WARS2: variants seen among roughly 807,000 people sequenced by gnomAD.
WARS2 encodes tryptophan--tRNA ligase, mitochondrial.
In WARS2, 28 loss-of-function variants were observed where a neutral mutation model predicts 36.5. The observed-to-expected ratio is 0.77, with a 90% CI of 0.57 to 1.05. WARS2 has a LOEUF of 1.05. Ranked by LOEUF, WARS2 falls within the 50% of genes least tolerant of loss-of-function variation. The pLI is 0.00. For synonymous variants in WARS2, 174 were observed against 178.4 expected (o/e 0.98, Z 0.20); for missense variants, 435 against 456.8 (o/e 0.95, Z 0.44).
At chr1:119,085,149 G>A in intron 1 of WARS2, 1 of 790,682 alleles carries the variant, frequency 1.3e-6, no homozygotes, top group Non-Finnish European at 2.3e-6. Context: ...AAGTGTGCCT[G>A]AGCTCCGCCC....
intron 1 of WARS2, among the ~76,000 whole-genome samples, chr1:119,081,589 A>T (rs889916510): frequency 6.6e-6 from 1 of 152,210 alleles, no homozygotes; most frequent in East Asian, 1.9e-4. Flanking sequence ...AAAAGTATTC[A>T]ATAACATTAC....
intron 1 of WARS2, among the ~76,000 whole-genome samples, chr1:119,076,876 G>A (rs950497970): frequency 2.0e-5 from 3 of 151,886 alleles, no homozygotes; most frequent in Non-Finnish European, 2.9e-5. Context: ...GTGGTGGCTC[G>A]TGCCTGTAAT....
chr1:119,105,422 CATGGTATTTAAAAG>C (rs1654162248), intron 1 of WARS2, among the ~76,000 whole-genome samples: 1 of 152,070 alleles, frequency 6.6e-6, no homozygotes, highest in African/African-American at 2.4e-5. Context: ...TCAGCATATT[CATGGTATTTAAAAG>C]ATGAAACCAG....
intron 3 of WARS2, among the ~76,000 whole-genome samples, chr1:119,044,568 G>A (rs960215095): frequency 6.6e-6 from 1 of 152,202 alleles, no homozygotes; most frequent in East Asian, 1.9e-4. Context: ...ACCCAGCTAG[G>A]TGGCTTATAA....
intron 1 of WARS2, among the ~76,000 whole-genome samples, chr1:119,124,439 G>A (rs755529043): frequency 6.6e-6 from 1 of 152,066 alleles, no homozygotes; most frequent in Non-Finnish European, 1.5e-5. Context: ...GCAGTGAGCC[G>A]AGATAGTGCC....
At chr1:119,046,104 G>A (rs977155692) in intron 2 of WARS2, among the ~76,000 whole-genome samples, 8 of 151,968 alleles carry the variant, frequency 5.3e-5, no homozygotes, top group Non-Finnish European at 1.0e-4. Flanking sequence ...AGCAGCTATA[G>A]TACTTTACAT....
chr1:119,074,838 C>G (rs966067084), intron 2 of WARS2, among the ~76,000 whole-genome samples: 10 of 152,234 alleles, frequency 6.6e-5, no homozygotes, highest in African/African-American at 2.4e-4. Context: ...TTTGCAGCAA[C>G]ATGGAGGCCA....
chr1:119,072,965 GACA>G (rs2101292940), intron 2 of WARS2, among the ~76,000 whole-genome samples: 1 of 151,992 alleles, frequency 6.6e-6, no homozygotes, highest in South Asian at 2.1e-4. Flanking sequence ...TACCAGCCTG[GACA>G]ACGTTGTGAG....
At chr1:119,088,688 T>G (rs1351452009) in intron 1 of WARS2, among the ~76,000 whole-genome samples, 3 of 152,132 alleles carry the variant, frequency 2.0e-5, no homozygotes, top group Admixed American at 2.0e-4. Flanking sequence ...TGACAACAAG[T>G]AGGCATGCTA....
intron 3 of WARS2, among the ~76,000 whole-genome samples, chr1:119,044,321 T>C (rs1648615807): frequency 1.3e-5 from 2 of 152,228 alleles, no homozygotes; most frequent in African/African-American, 4.8e-5. Flanking sequence ...AGATGCTGTT[T>C]TAAAGTGGGA....
chr1:119,065,020 T>C (rs1650710772), intron 2 of WARS2, among the ~76,000 whole-genome samples: 2 of 152,182 alleles, frequency 1.3e-5, no homozygotes, highest in Admixed American at 6.5e-5. Flanking sequence ...TCTGAAAGCA[T>C]TGCTATATTC....
intron 1 of WARS2, 109 bp downstream of exon 1, chr1:119,140,446 G>A: frequency 1.0e-6 from 1 of 975,798 alleles, no homozygotes; most frequent in South Asian, 1.6e-5. Flanking sequence ...GCGAGGGAAG[G>A]CATGTACTTT....
chr1:119,087,153 A>C (rs1487104624), intron 1 of WARS2, among the ~76,000 whole-genome samples: 1 of 152,226 alleles, frequency 6.6e-6, no homozygotes, highest in Admixed American at 6.5e-5. Context: ...TCACATTGAT[A>C]ACTTGGTAAA....
At chr1:119,055,768 AAG>A (rs972469621) in intron 2 of WARS2, among the ~76,000 whole-genome samples, 345 of 152,108 alleles carry the variant, frequency 2.3e-3, no homozygotes, top group African/African-American at 7.9e-3. Flanking sequence ...GAAGGAAAGA[AAG>A]AATATCTGAA....
intron 1 of WARS2, among the ~76,000 whole-genome samples, chr1:119,128,855 TTA>T (rs1655882761): frequency 6.6e-6 from 1 of 152,044 alleles, no homozygotes. Flanking sequence ...ACCCTGCTAG[TTA>T]GATGGAAAAG....
intron 1 of WARS2, among the ~76,000 whole-genome samples, chr1:119,076,969 G>A (rs938571639): frequency 3.3e-5 from 5 of 151,522 alleles, no homozygotes; most frequent in African/African-American, 1.2e-4. Context: ...GTGAAACCCC[G>A]TCTCTACTAA....
At chr1:119,067,193 C>T (rs528741209) in intron 2 of WARS2, among the ~76,000 whole-genome samples, 1 of 152,132 alleles carries the variant, frequency 6.6e-6, no homozygotes, top group South Asian at 2.1e-4. Context: ...ACATGCAAAA[C>T]AAATAATATA....
At chr1:119,129,145 T>C (rs1486205094) in intron 1 of WARS2, among the ~76,000 whole-genome samples, 1 of 152,166 alleles carries the variant, frequency 6.6e-6, no homozygotes, top group Non-Finnish European at 1.5e-5. Flanking sequence ...CCAAAATTCA[T>C]ATTTTGGAAC....
chr1:119,131,443 T>C (rs1229396899), intron 1 of WARS2, among the ~76,000 whole-genome samples: 1 of 150,594 alleles, frequency 6.6e-6, no homozygotes, highest in African/African-American at 2.4e-5. Flanking sequence ...GGATCCGGAC[T>C]GTGCAAAGTT....
Sources: allele counts gnomAD v4.1 joint callset (sites outside exome capture counted in the v4.1 genomes callset), GRCh38; gene constraint gnomAD v4.1.1; transcripts MANE v1.5; gene names NCBI Gene and HGNC (gene_info 2026-07-23, HGNC 2026-07-21).